The following TNRC6A variants were observed in gnomAD, a reference collection of about 807,000 sequenced individuals.
TNRC6A encodes trinucleotide repeat containing adaptor 6A, also known as trinucleotide repeat-containing gene 6A protein.
In TNRC6A, 44 loss-of-function variants were observed where a neutral mutation model predicts 221.2. That is an observed-to-expected ratio of 0.20 (90% CI 0.16 to 0.26). The LOEUF (loss-of-function observed/expected upper bound fraction) is 0.26, where lower values mean the gene tolerates loss of function less well. TNRC6A is among the 10% of genes least tolerant of loss of function. The pLI is 1.00. For missense variants in TNRC6A, 2,199 were observed against 2,404.4 expected, an observed-to-expected ratio of 0.91 and a Z score of 1.79; for synonymous variants, 847 against 838.5, an observed-to-expected ratio of 1.01 and a Z score of -0.18.
chr16:24,701,955 C>G (rs567610662), intron 2 of TNRC6A, among the ~76,000 whole-genome samples: 94 of 152,076 alleles, frequency 6.2e-4, no homozygotes, highest in Non-Finnish European at 1.1e-3. Context: ...TATAAAGAAG[C>G]CTAAGTCTTT....
At chr16:24,644,949 T>C (rs1902195479) in intron 2 of TNRC6A, among the ~76,000 whole-genome samples, 1 of 152,246 alleles carries the variant, frequency 6.6e-6, no homozygotes, top group African/African-American at 2.4e-5. Flanking sequence ...ATTCCTTACT[T>C]CCTGTTGTTA....
At chr16:24,804,416 G>T in intron 12 of TNRC6A, 97 bp downstream of exon 12, 1 of 1,389,516 alleles carries the variant, frequency 7.2e-7, no homozygotes, top group South Asian at 1.4e-5. Context: ...ATAATATAAA[G>T]TGTTACAATC....
chr16:24,648,676 G>C lies in TNRC6A; in HGVS notation n.402+7667G>C, dbSNP rs142636148. ...TTTCCTGTGCCGTTTTGTTTTGTTG[G>C]TAATCGCCATCCTAATGGGTATGAA... On this transcript the variant is annotated intron_variant and non_coding_transcript_variant, in intron 2 of 2. Coordinates refer to the TNRC6A transcript ENST00000566108. Among the ~76,000 whole-genome samples the C allele has an allele frequency of 6.6e-4, 100 of 152,266 alleles. 1 individual carries two copies. In the East Asian group the frequency reaches 0.016, roughly 24 times the overall value.
intron 2 of TNRC6A, among the ~76,000 whole-genome samples, chr16:24,674,126 G>A (rs1322856567): frequency 2.0e-5 from 3 of 151,892 alleles, no homozygotes; most frequent in African/African-American, 7.3e-5. Flanking sequence ...GCTGGAATAC[G>A]GTGGTGTGAT....
chr16:24,776,760 G>T, intron 4 of TNRC6A, 173 bp from the exon 5 acceptor site: 1 of 985,320 alleles, frequency 1.0e-6, no homozygotes, highest in Non-Finnish European at 1.2e-6. Context: ...ATGACTCTTG[G>T]CAGTGACATC....
rs750540079 is a variant in TNRC6A, at chr16:24,815,128, A to C, written c.4673-19A>C. On this transcript the variant is annotated intron_variant, in intron 18 of 24. Transcript: ENST00000395799. Reference sequence around the variant, plus strand: ...GTGTGTATTTTGCTCACATTTCTCTATTATTCTTCCCTTGTTAGGTGCTAT... The same window carrying C: ...GTGTGTATTTTGCTCACATTTCTCTCTTATTCTTCCCTTGTTAGGTGCTAT... 3.7e-6 allele frequency: 6 copies of C among 1,605,256 alleles called. No individual in the cohort carries two copies. The highest frequency in any genetic ancestry group is 4.3e-6 in the Non-Finnish European group (5 of 1,173,960).
At chr16:24,672,287 A>G (rs75767633) in intron 2 of TNRC6A, among the ~76,000 whole-genome samples, 2 of 151,630 alleles carry the variant, frequency 1.3e-5, no homozygotes, top group Admixed American at 1.3e-4. Flanking sequence ...ACGCCTGGCT[A>G]ATTTTTTTTT....
intron 3 of TNRC6A, among the ~76,000 whole-genome samples, chr16:24,756,163 T>C (rs1233962815): frequency 2.6e-5 from 4 of 152,198 alleles, no homozygotes; most frequent in Non-Finnish European, 4.4e-5. Context: ...TAATAAGGCA[T>C]CTTGTGTTCT....
At chr16:24,715,809 C>T (rs997893414) in intron 2 of TNRC6A, among the ~76,000 whole-genome samples, 4 of 151,656 alleles carry the variant, frequency 2.6e-5, no homozygotes, top group Non-Finnish European at 5.9e-5. Flanking sequence ...TTAGTAGAGA[C>T]GGGGTTTCCC....
chr16:24,720,031 C>A (rs932599882), intron 2 of TNRC6A, among the ~76,000 whole-genome samples: 1 of 152,052 alleles, frequency 6.6e-6, no homozygotes, highest in Non-Finnish European at 1.5e-5. Flanking sequence ...TGAGGAGGAG[C>A]AGGCTTGCCT....
chr16:24,747,490 A>C (rs1343429979), intron 2 of TNRC6A, among the ~76,000 whole-genome samples: 1 of 151,898 alleles, frequency 6.6e-6, no homozygotes, highest in Admixed American at 6.6e-5. Context: ...CAGGTGCATC[A>C]AACAGGGTGG....
At chr16:24,659,020 G>A (rs1288615802) in intron 2 of TNRC6A, among the ~76,000 whole-genome samples, 1 of 151,766 alleles carries the variant, frequency 6.6e-6, no homozygotes, top group African/African-American at 2.4e-5. Context: ...TGTTGCCCAG[G>A]CTGGTCTTGA....
Position 24,791,414 on chromosome 16 carries a change from C to G in TNRC6A, c.2772C>G (p.Asp924Glu). 1 of 1,557,170 alleles carries G rather than the reference C, an allele frequency of 6.4e-7. No individual in the cohort carries two copies. Among genetic ancestry groups the G allele is most frequent in the Non-Finnish European group, 8.7e-7 (1 of 1,153,848 alleles). Residue 924 changes from aspartate (D) to glutamate (E), a missense_variant, in exon 6 of 25, where the codon GAC becomes GAG. By Grantham distance (45) the Asp-to-Glu change is conservative (BLOSUM62 2). Transcript: ENST00000395799. ...CTACTCCTTCCCAGGGATGGGGAGACCCTCCAAAGTCTAATCAGTCTCTAG... is the reference window on the plus strand; with the variant it reads ...CTACTCCTTCCCAGGGATGGGGAGAGCCTCCAAAGTCTAATCAGTCTCTAG... ...SKPTPSQGWG[D>E]PPKSNQSLGW... is the part of the protein sequence containing the mutation.
chr16:24,783,094 C>T (rs2057887693), intron 5 of TNRC6A, among the ~76,000 whole-genome samples: 2 of 152,014 alleles, frequency 1.3e-5, no homozygotes, highest in East Asian at 1.9e-4. Flanking sequence ...ATTTGAAGGT[C>T]CATGGATCTA....
intron 4 of TNRC6A, among the ~76,000 whole-genome samples, chr16:24,773,263 AGT>A (rs1269204026): frequency 1.3e-5 from 2 of 152,196 alleles, no homozygotes; most frequent in Non-Finnish European, 2.9e-5. Flanking sequence ...TATTGTATGC[AGT>A]GTTTCCAGTA....
chr16:24,800,406 T>C (rs1479430878), intron 11 of TNRC6A, among the ~76,000 whole-genome samples: 1 of 152,210 alleles, frequency 6.6e-6, no homozygotes, highest in African/African-American at 2.4e-5. Context: ...ATGGCATATA[T>C]GGTAAGACCA....
chr16:24,719,037 C>CAAA (rs1197000057), intron 2 of TNRC6A, among the ~76,000 whole-genome samples: 14 of 86,074 alleles, frequency 1.6e-4, no homozygotes, highest in African/African-American at 4.1e-4. Context: ...ACTCTGTCTC[C>CAAA]AAAAAAAAAA....
In TNRC6A at chr16:24,789,336, G is replaced by T; in HGVS notation, c.694G>T (p.Asp232Tyr). ...AAACTGTAAGAATGCTGTTGTAAGT[G>T]ACTTGTCGGAAAAAGAAGCATGGCC... The part of the protein sequence containing the change: ...STNCKNAVVS[D>Y]LSEKEAWPSA... The change falls in exon 6 of 25, where the codon GAC (aspartate) becomes TAC (tyrosine). Residue 232 changes from aspartate to tyrosine, a missense_variant. Asp to Tyr is a radical substitution (Grantham distance 160, BLOSUM62 -3). Around this residue, in one of 8 missense-constraint regions of TNRC6A, gnomAD observed 1,405 missense variants for 1,400.2 expected, o/e 1.00. Transcript: ENST00000395799. 6.2e-7 allele frequency: 1 copy of T among 1,614,192 alleles called. No individual in the cohort carries two copies. The highest frequency in any genetic ancestry group is 1.1e-5 in the South Asian group (1 of 91,076).
At chr16:24,728,402 G>A (rs1316322222), upstream of TNRC6A, among the ~76,000 whole-genome samples, 2 of 151,898 alleles carry the variant, frequency 1.3e-5, no homozygotes, top group Non-Finnish European at 1.5e-5. Flanking sequence ...AACGGAGATC[G>A]CGCCACTGCA....
Sources: gnomAD v4.1 joint callset for allele counts (sites outside exome capture counted in the v4.1 genomes callset) on GRCh38, gnomAD v4.1.1 for gene constraint, gnomAD v4.1.1 regional missense constraint, MANE v1.5 for transcripts, NCBI Gene and HGNC (gene_info 2026-07-23, HGNC 2026-07-21) for gene names.